FGD6: variants seen among roughly 807,000 people sequenced by gnomAD.
FGD6 encodes the protein FYVE, RhoGEF and PH domain-containing protein 6.
In FGD6, 90 loss-of-function variants were observed where a neutral mutation model predicts 149.4. That is an observed-to-expected ratio of 0.60 (90% CI 0.51 to 0.72). The LOEUF (loss-of-function observed/expected upper bound fraction) is 0.72, where lower values mean the gene tolerates loss of function less well. Ranked by LOEUF, FGD6 falls within the 30% of genes least tolerant of loss-of-function variation. FGD6 has a pLI of 0.00. For synonymous variants in FGD6, 527 were observed against 584.0 expected, an observed-to-expected ratio of 0.90 and a Z score of 1.41; for missense variants, 1,437 against 1,684.8, an observed-to-expected ratio of 0.85 and a Z score of 2.57.
chr12:95,165,681 A>T (rs1308583846), intron 3 of FGD6, among the ~76,000 whole-genome samples: 1 of 151,774 alleles, frequency 6.6e-6, no homozygotes, highest in Non-Finnish European at 1.5e-5. Context: ...CCTGTTGCCC[A>T]GGCTGGAATG....
Position 95,209,793 on chromosome 12 carries a change from T to C in FGD6, c.1491A>G (p.Lys497=), listed in dbSNP as rs767295878. ...KEENSLRIVP[K]KPQRHSLPAT... ...CAGGCAAGCTATGTCTTTGAGGTTT[T>C]TTGGGGACAATTCGTAGAGAATTTT... Residue 497 remains lysine (K), a synonymous_variant, in exon 2 of 21, where the codon AAA becomes AAG. Coordinates refer to ENST00000343958, the MANE Select transcript of FGD6 (RefSeq NM_018351.4). The C allele has an allele frequency of 5.0e-6, 8 of 1,611,704 alleles. No homozygotes were observed. The South Asian group carries it at 8.8e-5, about 18-fold the overall frequency.
rs1877528879 is a variant in FGD6, at chr12:95,077,393, G to A, written c.*4127C>T. 6.6e-6 allele frequency: 1 copy of A among 152,234 alleles called. No individual in the cohort carries two copies. Among genetic ancestry groups the A allele is most frequent in the Non-Finnish European group, 1.5e-5 (1 of 68,116 alleles). 9.4% of individuals were successfully genotyped at this position (152,234 alleles called of 1,614,324 possible). A position where few individuals can be genotyped will look rare whatever the true frequency, so the allele number is the denominator to read the frequency against. Reference sequence around the variant, plus strand: ...AGGAATAGGGGAGAGAAAGACTAAGGGTCAGCTATCACAGAGAAGTCTTGG... The same window carrying A: ...AGGAATAGGGGAGAGAAAGACTAAGAGTCAGCTATCACAGAGAAGTCTTGG... On this transcript the variant is annotated 3_prime_UTR_variant, in exon 21 of 21. Transcript: ENST00000343958.
At chr12:95,090,289 G>T (rs1454699796) in intron 17 of FGD6, among the ~76,000 whole-genome samples, 1 of 152,078 alleles carries the variant, frequency 6.6e-6, no homozygotes, top group African/African-American at 2.4e-5. Flanking sequence ...GAATAATGAG[G>T]CCAGATTAAA....
intron 2 of FGD6, among the ~76,000 whole-genome samples, chr12:95,200,102 T>C (rs1206980960): frequency 6.6e-6 from 1 of 152,198 alleles, no homozygotes; most frequent in Non-Finnish European, 1.5e-5. Context: ...TTAAAAACCA[T>C]ATCTACTCTT....
At chr12:95,149,337 T>A (rs1479091313) in intron 5 of FGD6, among the ~76,000 whole-genome samples, 2 of 108,100 alleles carry the variant, frequency 1.9e-5, no homozygotes, top group African/African-American at 7.3e-5. Flanking sequence ...TATAATATAT[T>A]ATATAATATA....
chr12:95,097,904 T>C (rs1313784083), intron 14 of FGD6, among the ~76,000 whole-genome samples: 2 of 152,158 alleles, frequency 1.3e-5, no homozygotes, highest in Non-Finnish European at 2.9e-5. Flanking sequence ...ATAGAAGTAG[T>C]AAATTACCTT....
chr12:95,139,647 A>C (rs1187767554), intron 6 of FGD6, among the ~76,000 whole-genome samples: 1 of 148,084 alleles, frequency 6.8e-6, no homozygotes, highest in African/African-American at 2.5e-5. Flanking sequence ...GTTATATTTT[A>C]TTTCTATCAT....
At chr12:95,199,614 CTTTTT>C (rs35515272) in intron 2 of FGD6, among the ~76,000 whole-genome samples, 1 of 128,702 alleles carries the variant, frequency 7.8e-6, no homozygotes, top group Non-Finnish European at 1.6e-5. Flanking sequence ...GAAAAGCTAC[CTTTTT>C]TTTTTTTTTT....
intron 14 of FGD6, among the ~76,000 whole-genome samples, chr12:95,098,335 A>C (rs184213237): frequency 2.0e-5 from 3 of 152,164 alleles, no homozygotes; most frequent in Admixed American, 2.0e-4. Context: ...CCCAAACCAG[A>C]TTCCATGCAG....
chr12:95,084,364 G>T, intron 20 of FGD6, 134 bp downstream of exon 20: 1 of 721,860 alleles, frequency 1.4e-6, no homozygotes, highest in Non-Finnish European at 2.1e-6. Flanking sequence ...TAAATAATAC[G>T]TTAAATCTTT....
rs756686830 is a variant in FGD6, at chr12:95,210,260, C to G, written c.1024G>C (p.Gly342Arg). ...DTPSESTEEP[G>R]NSDSSSSCLT... is the part of the protein sequence containing the mutation. ...CAGGAAGAGCTACTGTCTGAATTCCCCGGTTCTTCAGTGCTTTCACTAGGA... is the reference window on the plus strand; with the variant it reads ...CAGGAAGAGCTACTGTCTGAATTCCGCGGTTCTTCAGTGCTTTCACTAGGA... Residue 342 changes from glycine to arginine, a missense_variant, in exon 2 of 21, where the codon GGG becomes CGG. Around this residue, in one of 2 missense-constraint regions of FGD6, gnomAD observed 1,055 missense variants for 1,146.0 expected, o/e 0.92. Coordinates refer to ENST00000343958, the MANE Select transcript of FGD6 (RefSeq NM_018351.4). The G allele has an allele frequency of 6.2e-7, 1 of 1,613,942 alleles. No homozygotes were observed. The highest frequency in any genetic ancestry group is 1.3e-5 in the African/African-American group (1 of 74,868).
chr12:95,188,532 A>T (rs1302502198), intron 2 of FGD6, among the ~76,000 whole-genome samples: 1 of 152,134 alleles, frequency 6.6e-6, no homozygotes, highest in Non-Finnish European at 1.5e-5. Context: ...GTTTACTCCT[A>T]AACTTTCCAC....
chr12:95,118,411 T>G (rs1452461543), intron 8 of FGD6, among the ~76,000 whole-genome samples: 2 of 151,688 alleles, frequency 1.3e-5, no homozygotes, highest in Non-Finnish European at 2.9e-5. Context: ...CTATATCTTG[T>G]TGGAAATCTA....
rs1879818272 is a variant in FGD6, at chr12:95,140,753, T to C, written c.2837+635A>G. On this transcript the variant is annotated intron_variant, in intron 6 of 20. Transcript: ENST00000343958. ...ATAAAACATTTAGAAACTATTCTAA[T>C]GTGAATATAGCATATAGCATCTATC... 3.9e-5 allele frequency among the ~76,000 whole-genome samples: 6 copies of C among 152,242 alleles called. No individual in the cohort carries two copies. The South Asian group carries it at 1.2e-3, about 32-fold the overall frequency.
chr12:95,197,060 G>C (rs68062797), intron 2 of FGD6, among the ~76,000 whole-genome samples: 14,015 of 152,242 alleles, frequency 0.092, 844 homozygotes, highest in African/African-American at 0.17. Flanking sequence ...AATGCTAGCA[G>C]TGGTTTGCCT....
Position 95,189,817 on chromosome 12 carries a change from C to G in FGD6, c.2442-17073G>C, listed in dbSNP as rs939140075. On this transcript the variant is annotated intron_variant, in intron 2 of 20. Transcript: ENST00000343958. ...GAGCTAATATATTTGCTTATTTTCA[C>G]AGTATTTAAGTTTTGCCCTACAGAA... Among the ~76,000 whole-genome samples the G allele has an allele frequency of 2.6e-5, 4 of 152,234 alleles. No homozygotes were observed. In the East Asian group the frequency reaches 7.7e-4, roughly 29 times the overall value.
At chr12:95,086,932 CTG>C (rs1877896486) in intron 18 of FGD6, among the ~76,000 whole-genome samples, 1 of 149,522 alleles carries the variant, frequency 6.7e-6, no homozygotes, top group African/African-American at 2.5e-5. Context: ...GCTGCAACCT[CTG>C]CCTCTTGGGT....
intron 6 of FGD6, among the ~76,000 whole-genome samples, chr12:95,139,722 C>T (rs1879788105): frequency 6.6e-6 from 1 of 150,708 alleles, no homozygotes; most frequent in Admixed American, 6.6e-5. Context: ...GTGGCACAAT[C>T]TCGGCTCACT....
chr12:95,138,134 G>T (rs1879729449), intron 6 of FGD6, among the ~76,000 whole-genome samples: 1 of 151,876 alleles, frequency 6.6e-6, no homozygotes, highest in African/African-American at 2.4e-5. Flanking sequence ...AACCCGGGAG[G>T]GGGAGGTTGC....
Sources: gnomAD v4.1 joint callset for allele counts (sites outside exome capture counted in the v4.1 genomes callset) on GRCh38, gnomAD v4.1.1 for gene constraint, gnomAD v4.1.1 regional missense constraint, MANE v1.5 for transcripts, NCBI Gene and HGNC (gene_info 2026-07-23, HGNC 2026-07-21) for gene names.